Variants in ANKRD27 observed in about 807,000 individuals in gnomAD.
ANKRD27 encodes the protein ankyrin repeat domain 27.
ANKRD27 carries 112 observed loss-of-function variants against 129.7 expected under a neutral mutation model. The observed-to-expected ratio is 0.86, with a 90% CI of 0.74 to 1.01. ANKRD27 has a LOEUF of 1.01. Among genes scored for constraint, ANKRD27 ranks in the 50% least tolerant of loss-of-function variants. The pLI, the probability that ANKRD27 is intolerant of heterozygous loss-of-function variation, is 0.00. For synonymous variants in ANKRD27, 516 were observed against 511.2 expected (o/e 1.01, Z -0.13); for missense variants, 1,258 against 1,300.5 (o/e 0.97, Z 0.50).
chr19:32,657,716 G>A (rs1305086356), intron 2 of ANKRD27, among the ~76,000 whole-genome samples: 1 of 152,106 alleles, frequency 6.6e-6, no homozygotes, highest in East Asian at 1.9e-4. Flanking sequence ...GCTCACGCCT[G>A]TAATCCCAGC....
At chr19:32,616,113 C>T (rs554993208) in intron 21 of ANKRD27, among the ~76,000 whole-genome samples, 2 of 152,280 alleles carry the variant, frequency 1.3e-5, no homozygotes, top group Admixed American at 6.5e-5. Context: ...GCCAGAGAAT[C>T]GCCTGAGCCC....
At chr19:32,602,621 G>C (rs555793525) in intron 25 of ANKRD27, among the ~76,000 whole-genome samples, 3 of 151,880 alleles carry the variant, frequency 2.0e-5, no homozygotes, top group Non-Finnish European at 4.4e-5. Context: ...GGCCAGGCGC[G>C]ATGGCTCACG....
At chr19:32,628,651 A>G (rs1966934184) in intron 14 of ANKRD27, 71 bp downstream of exon 14, 2 of 1,593,298 alleles carry the variant, frequency 1.3e-6, no homozygotes, top group South Asian at 1.1e-5. Flanking sequence ...CACACAGCGC[A>G]CAGTGGAGAA....
chr19:32,625,845 GC>G (rs572951458), intron 17 of ANKRD27, 28 bp downstream of exon 17: 63 of 1,513,682 alleles, frequency 4.2e-5, no homozygotes, highest in Admixed American at 9.6e-5. Flanking sequence ...GGTGAACGCA[GC>G]CCCCCCGGAA....
intron 2 of ANKRD27, among the ~76,000 whole-genome samples, chr19:32,653,155 C>T (rs192465139): frequency 5.9e-5 from 9 of 152,202 alleles, no homozygotes; most frequent in East Asian, 1.9e-4. Flanking sequence ...AAACCTGGCA[C>T]GGTGCCTGGC....
intron 14 of ANKRD27, 64 bp from the exon 15 acceptor site, chr19:32,628,229 C>T: frequency 7.1e-7 from 1 of 1,398,762 alleles, no homozygotes; most frequent in South Asian, 1.2e-5. Context: ...TCTCCCTGAC[C>T]AGGTAGATAG....
At chr19:32,620,500 T>G (rs1599744133) in intron 18 of ANKRD27, among the ~76,000 whole-genome samples, 1 of 145,810 alleles carries the variant, frequency 6.9e-6, no homozygotes. Context: ...ACCTGGGAGG[T>G]GGAAGTTGCA....
intron 26 of ANKRD27, among the ~76,000 whole-genome samples, chr19:32,601,444 A>G (rs983818898): frequency 7.9e-5 from 12 of 151,314 alleles, no homozygotes; most frequent in African/African-American, 2.9e-4. Context: ...AAATACAAAA[A>G]CAAAATTAGC....
At chr19:32,642,997 C>A in intron 9 of ANKRD27, 126 bp downstream of exon 9, 1 of 904,246 alleles carries the variant, frequency 1.1e-6, no homozygotes, top group Non-Finnish European at 1.7e-6. Flanking sequence ...CAAGTAACTG[C>A]GCTGCTCCTC....
chr19:32,602,167 C>CT, intron 25 of ANKRD27, 41 bp from the exon 26 acceptor site: 1 of 1,243,222 alleles, frequency 8.0e-7, no homozygotes, highest in Non-Finnish European at 1.2e-6. Flanking sequence ...TGTTTTTATT[C>CT]TTTTTTAATA....
At chr19:32,600,273 C>CTCA (rs1971632670) in intron 26 of ANKRD27, 1 of 404,072 alleles carries the variant, frequency 2.5e-6, no homozygotes, top group East Asian at 4.2e-5. Context: ...GGTGCAGTGG[C>CTCA]TCATGCCTGT....
At chr19:32,658,075 C>G (rs1440984253) in intron 2 of ANKRD27, among the ~76,000 whole-genome samples, 1 of 152,188 alleles carries the variant, frequency 6.6e-6, no homozygotes, top group African/African-American at 2.4e-5. Flanking sequence ...CCTGACTTCT[C>G]CTTCAGTTCA....
chr19:32,598,281 G>C lies in ANKRD27; in HGVS notation c.3017C>G (p.Pro1006Arg). 6.8e-6 allele frequency: 11 copies of C among 1,614,186 alleles called. No individual in the cohort carries two copies. Among genetic ancestry groups the C allele is most frequent in the Non-Finnish European group, 8.5e-6 (10 of 1,180,038 alleles). The stretch of plus-strand genomic sequence containing the variant: ...TCCAGGGCCAGTCTGTGTCAGTCCA[G>C]GCCTCTCTGGCCAGTCGCTGTTGCC... ...EKGNSDWPER[P>R]GLTQTGPGHR... Residue 1006 changes from proline to arginine, a missense_variant, in exon 29 of 29, where the codon CCT becomes CGT. Pro to Arg is a moderately radical substitution (Grantham distance 103). Transcript: ENST00000306065.
At chr19:32,644,192 A>G in intron 5 of ANKRD27, 133 bp downstream of exon 5, 1 of 1,085,610 alleles carries the variant, frequency 9.2e-7, no homozygotes, top group Non-Finnish European at 1.3e-6. Flanking sequence ...TTTTATAGTT[A>G]GAGAGAAACA....
rs774787728 is a variant in ANKRD27, at chr19:32,599,999, TA to T, written c.2818del (p.Tyr940ThrfsTer27). ...AAACTGACCAGCTGAGTGGACAAAG[TA>T]AAACTGTCTTGTAAAAGGCTCATCT... ...LPDEPFTRQFYFVHSAGQFKG... is the reference protein window; with the variant it reads ...LPDEPFTRQFXFVHSAGQFKG... On this transcript the variant is annotated frameshift_variant, in exon 27 of 29. Transcript: ENST00000306065. LOFTEE classifies it high-confidence loss of function. The T allele has an allele frequency of 1.9e-6, 3 of 1,613,246 alleles. No homozygotes were observed. Among genetic ancestry groups the T allele is most frequent in the Non-Finnish European group, 2.5e-6 (3 of 1,179,352 alleles).
chr19:32,608,553 T>C (rs1179721226), intron 22 of ANKRD27: 1 of 188,326 alleles, frequency 5.3e-6, no homozygotes, highest in African/African-American at 2.3e-5. Context: ...TTTTATTATA[T>C]GTAAATTATA....
chr19:32,634,840 G>A (rs1211490851), intron 12 of ANKRD27, among the ~76,000 whole-genome samples: 8 of 152,086 alleles, frequency 5.3e-5, no homozygotes, highest in African/African-American at 1.9e-4. Flanking sequence ...GCTTGAACCC[G>A]GGAGGTGGAG....
chr19:32,607,778 C>T lies in ANKRD27; in HGVS notation c.2230G>A (p.Gly744Ser), dbSNP rs780292120. The T allele has an allele frequency of 1.2e-5, 20 of 1,611,946 alleles. 2 individuals carry two copies. In the South Asian group the frequency reaches 2.1e-4, roughly 17 times the overall value. Reference protein sequence around the residue: ...GLGVNVTSQDGSSPLHVAALH... With the variant: ...GLGVNVTSQDSSSPLHVAALH... Reference sequence around the variant, plus strand: ...GCGGCGACATGCAGCGGGGAGGAGCCGTCCTGGCTGGTCACGTTCACACCA... The same window carrying T: ...GCGGCGACATGCAGCGGGGAGGAGCTGTCCTGGCTGGTCACGTTCACACCA... Residue 744 changes from glycine to serine, a missense_variant, in exon 23 of 29, where the codon GGC (glycine) becomes AGC (serine). Gly to Ser is a moderately conservative substitution (Grantham distance 56, BLOSUM62 0). Coordinates refer to ENST00000306065, the MANE Select transcript of ANKRD27 (RefSeq NM_032139.3).
At chr19:32,636,737 ATATT>A (rs1191059993) in intron 12 of ANKRD27, among the ~76,000 whole-genome samples, 30 of 148,168 alleles carry the variant, frequency 2.0e-4, no homozygotes, top group African/African-American at 6.2e-4. Context: ...ATATATATAT[ATATT>A]TTTTATATAT....
Sources: allele counts gnomAD v4.1 joint callset (sites outside exome capture counted in the v4.1 genomes callset), GRCh38; gene constraint gnomAD v4.1.1; transcripts MANE v1.5; gene names NCBI Gene and HGNC (gene_info 2026-07-23, HGNC 2026-07-21).